ARHGEF10L: variants seen among roughly 807,000 people sequenced by gnomAD.
The protein encoded by ARHGEF10L is rho guanine nucleotide exchange factor 10-like protein.
Under a neutral mutation model 141.2 loss-of-function variants are expected in ARHGEF10L, and 69 were observed. The ratio of observed to expected loss-of-function variants is 0.49; its 90% CI spans 0.40 to 0.60. ARHGEF10L has a LOEUF of 0.60. Among genes scored for constraint, ARHGEF10L ranks in the 20% least tolerant of loss-of-function variants. The pLI, the probability that ARHGEF10L is intolerant of heterozygous loss-of-function variation, is 0.00. For missense variants in ARHGEF10L, 1,482 were observed against 1,734.3 expected (o/e 0.85, Z 2.58); for synonymous variants, 711 against 718.5 (o/e 0.99, Z 0.17).
chr1:17,679,646 G>A (rs1197586717), intron 26 of ARHGEF10L, among the ~76,000 whole-genome samples: 2 of 152,236 alleles, frequency 1.3e-5, no homozygotes, highest in African/African-American at 2.4e-5. Flanking sequence ...GACAGGGAAG[G>A]GAGTTGTGCT....
At chr1:17,678,714 C>T (rs371645005) in intron 26 of ARHGEF10L, among the ~76,000 whole-genome samples, 24 of 152,290 alleles carry the variant, frequency 1.6e-4, no homozygotes, top group Middle Eastern at 6.8e-3. Context: ...CCACCGCACC[C>T]GGCTGGATTT....
At chr1:17,605,598 C>T (rs996069926) in intron 6 of ARHGEF10L, among the ~76,000 whole-genome samples, 20 of 152,106 alleles carry the variant, frequency 1.3e-4, no homozygotes, top group Non-Finnish European at 7.4e-5. Context: ...ACCCTGGCCC[C>T]GTTCACTGTC....
chr1:17,623,736 C>T lies in ARHGEF10L; in HGVS notation c.1200+561C>T, dbSNP rs545445777. 3.9e-5 allele frequency among the ~76,000 whole-genome samples: 6 copies of T among 152,270 alleles called. No homozygotes were observed. The highest frequency in any genetic ancestry group is 8.8e-5 in the Non-Finnish European group (6 of 68,024). ...GCTTTTCTAGCTGAAGTCTGCGGAC[C>T]CCAGATGTTCATGGGGTGAGGGAAG... On this transcript the variant is annotated intron_variant, in intron 12 of 28. Coordinates refer to ENST00000361221, the MANE Select transcript of ARHGEF10L (RefSeq NM_018125.4). The surrounding 1 kb of genome is among the most constrained non-coding windows in gnomAD (Gnocchi z 4.7).
intron 25 of ARHGEF10L, among the ~76,000 whole-genome samples, chr1:17,659,756 GACTGGCATTCCTGCTAAA>G (rs1169495017): frequency 1.3e-5 from 2 of 152,208 alleles, no homozygotes; most frequent in Non-Finnish European, 2.9e-5. Context: ...CTGAGACCAA[GACTGGCATTCCTGCTAAA>G]ACTGGCATTC....
At chr1:17,567,663 C>T (rs1427121281) in intron 1 of ARHGEF10L, among the ~76,000 whole-genome samples, 2 of 152,158 alleles carry the variant, frequency 1.3e-5, no homozygotes, top group Non-Finnish European at 2.9e-5. Flanking sequence ...CCACTGTGAC[C>T]AGCCTAGCAG....
chr1:17,694,447 G>A (rs1177082297), intron 27 of ARHGEF10L: 1 of 168,746 alleles, frequency 5.9e-6, no homozygotes, highest in Non-Finnish European at 1.3e-5. Flanking sequence ...CTCTCTGTTA[G>A]GAGCAGGGGC....
chr1:17,621,624 C>T lies in ARHGEF10L; in HGVS notation c.943-240C>T, dbSNP rs973021334. 1.3e-5 allele frequency among the ~76,000 whole-genome samples: 2 copies of T among 152,208 alleles called. No individual in the cohort carries two copies. Among genetic ancestry groups the T allele is most frequent in the African/African-American group, 4.8e-5 (2 of 41,460 alleles). ...ATTACCCCATCCCCAGATGTATGTGCACAGAGGGGCTTTCCCTGGGATGTG... is the reference window on the plus strand; with the variant it reads ...ATTACCCCATCCCCAGATGTATGTGTACAGAGGGGCTTTCCCTGGGATGTG... On this transcript the variant is annotated intron_variant, in intron 10 of 28. Transcript: ENST00000361221. The surrounding 1 kb of genome is among the most constrained non-coding windows in gnomAD (Gnocchi z 4.1).
intron 26 of ARHGEF10L, among the ~76,000 whole-genome samples, chr1:17,677,715 T>C (rs2102374693): frequency 6.6e-6 from 1 of 152,348 alleles, no homozygotes; most frequent in East Asian, 1.9e-4. Flanking sequence ...GGCAGCTCTG[T>C]GCAGTAGGTA....
At chr1:17,690,201 A>G (rs1279862409) in intron 27 of ARHGEF10L, among the ~76,000 whole-genome samples, 1 of 152,168 alleles carries the variant, frequency 6.6e-6, no homozygotes, top group African/African-American at 2.4e-5. Flanking sequence ...CCCCATTCAT[A>G]TAACAAAGGG....
In ARHGEF10L at chr1:17,627,369, C is replaced by G; in HGVS notation, c.1450C>G (p.Leu484Val). ...CACCCCCAGGGGCCATCCGGACAGG[C>G]TGTCGCTGCAGCTGGCCCTCACAGA... ...KNTPRGHPDR[L>V]SLQLALTELE... The change falls in exon 15 of 29, where the codon CTG becomes GTG. Residue 484 changes from leucine (L) to valine (V), a missense_variant. Leu to Val is a conservative substitution (Grantham distance 32). Around this residue, in one of 3 missense-constraint regions of ARHGEF10L, gnomAD observed 392 missense variants for 542.1 expected, o/e 0.72. Coordinates refer to ENST00000361221, the MANE Select transcript of ARHGEF10L (RefSeq NM_018125.4). This position sits in a 1 kb window ranked among gnomAD's most constrained non-coding sequence, Gnocchi z 4.0. 1.2e-6 allele frequency: 2 copies of G among 1,614,148 alleles called. No individual in the cohort carries two copies. The highest frequency in any genetic ancestry group is 1.7e-5 in the Admixed American group (1 of 60,036).
Position 17,567,460 on chromosome 1 carries a change from A to G in ARHGEF10L, c.-43-13093A>G, listed in dbSNP as rs527899982. On this transcript the variant is annotated intron_variant, in intron 1 of 28. Transcript: ENST00000361221. Reference sequence around the variant, plus strand: ...CGGCTCACTGTAATCTTCGCCTCCCAGGTTCAAGCGATGCTCCTGCTTCAG... The same window carrying G: ...CGGCTCACTGTAATCTTCGCCTCCCGGGTTCAAGCGATGCTCCTGCTTCAG... Among the ~76,000 whole-genome samples the G allele has an allele frequency of 6.6e-5, 10 of 152,242 alleles. No homozygotes were observed. In the East Asian group the frequency reaches 1.5e-3, roughly 24 times the overall value.
At chr1:17,583,005 C>T (rs941287572) in intron 2 of ARHGEF10L, among the ~76,000 whole-genome samples, 11 of 150,454 alleles carry the variant, frequency 7.3e-5, no homozygotes, top group East Asian at 2.0e-4. Flanking sequence ...GCTTGAGCTC[C>T]AGAGTTTGAG....
At chr1:17,532,559 G>A in the ARHGEF10L span, among the ~76,000 whole-genome samples, 1 of 151,408 alleles carries the variant, frequency 6.6e-6, no homozygotes, top group East Asian at 2.0e-4. Context: ...CATTTACCCT[G>A]TGCTAAGGCT....
the ARHGEF10L span, among the ~76,000 whole-genome samples, chr1:17,531,631 G>T: frequency 1.3e-5 from 2 of 152,194 alleles, no homozygotes; most frequent in Non-Finnish European, 2.9e-5. Context: ...CTCTGTAAAC[G>T]GGAGAGATGG....
chr1:17,617,514 G>A (rs1294045806), intron 9 of ARHGEF10L, among the ~76,000 whole-genome samples: 1 of 152,198 alleles, frequency 6.6e-6, no homozygotes, highest in South Asian at 2.1e-4. Context: ...ATCTTTAGAG[G>A]TGACAGACAA....
intron 17 of ARHGEF10L, 121 bp from the exon 18 acceptor site, chr1:17,634,714 G>A: frequency 6.9e-7 from 1 of 1,457,538 alleles, no homozygotes. Flanking sequence ...TTTGGTCTGA[G>A]GTCTTGCGCT....
At chr1:17,622,869 T>C in intron 11 of ARHGEF10L, 127 bp from the exon 12 acceptor site, 2 of 947,262 alleles carry the variant, frequency 2.1e-6, no homozygotes, top group African/African-American at 1.7e-5. Context: ...GCATGAGGAG[T>C]GAGGGATGAG....
At position 17,656,692 on chromosome 1, in the gene ARHGEF10L, T is replaced by C. The variant is rs768755423; in HGVS notation, c.2844T>C (p.Ala948=). ...GCCTGCAGGATGGGACCCTTGCTGC[T>C]TACCCTCGGACCAGCGGTGAGGACT... ...LAGLQDGTLA[A]YPRTSGGVLW... The change falls in exon 25 of 29, where the codon GCT becomes GCC. Residue 948 remains alanine, a synonymous_variant. Coordinates refer to ENST00000361221, the MANE Select transcript of ARHGEF10L (RefSeq NM_018125.4). The surrounding 1 kb of genome is among the most constrained non-coding windows in gnomAD (Gnocchi z 4.9). 4.3e-6 allele frequency: 7 copies of C among 1,612,778 alleles called. No homozygotes were observed. Among genetic ancestry groups the C allele is most frequent in the Non-Finnish European group, 5.9e-6 (7 of 1,179,848 alleles).
chr1:17,589,895 G>A (rs967589346), intron 4 of ARHGEF10L, among the ~76,000 whole-genome samples: 1 of 152,040 alleles, frequency 6.6e-6, no homozygotes, highest in African/African-American at 2.4e-5. Flanking sequence ...AGCAAGGATG[G>A]GGTCGTCAGG....
Sources: allele counts gnomAD v4.1 joint callset (sites outside exome capture counted in the v4.1 genomes callset), GRCh38; gene constraint gnomAD v4.1.1; regional missense constraint gnomAD v4.1.1; non-coding constraint Gnocchi (gnomAD v3.1); transcripts MANE v1.5; gene names NCBI Gene and HGNC (gene_info 2026-07-23, HGNC 2026-07-21).